Variants in RASAL2 observed in about 807,000 individuals in gnomAD.
RASAL2 encodes the protein RAS protein activator like 2, also known as ras GTPase-activating protein nGAP.
Under a neutral mutation model 128.9 loss-of-function variants are expected in RASAL2, and 58 were observed. The ratio of observed to expected loss-of-function variants is 0.45; its 90% CI spans 0.36 to 0.56. RASAL2 has a LOEUF of 0.56. Ranked by LOEUF, RASAL2 falls within the 20% of genes least tolerant of loss-of-function variation. The pLI, the probability that RASAL2 is intolerant of heterozygous loss-of-function variation, is 0.00. For synonymous variants in RASAL2, 561 were observed against 580.8 expected, an observed-to-expected ratio of 0.97 and a Z score of 0.49; for missense variants, 1,360 against 1,601.6, an observed-to-expected ratio of 0.85 and a Z score of 2.57.
intron 1 of RASAL2, among the ~76,000 whole-genome samples, chr1:178,251,750 T>A (rs1181097444): frequency 2.6e-5 from 4 of 152,208 alleles, no homozygotes; most frequent in Admixed American, 2.6e-4. Flanking sequence ...TAAAACAGTC[T>A]TTTTCTTCAG....
At chr1:178,261,591 T>G (rs1665695567) in intron 1 of RASAL2, among the ~76,000 whole-genome samples, 1 of 152,106 alleles carries the variant, frequency 6.6e-6, no homozygotes, top group Non-Finnish European at 1.5e-5. Flanking sequence ...ACTAAAAGAG[T>G]ACTTCATAAC....
intron 3 of RASAL2, among the ~76,000 whole-genome samples, chr1:178,347,694 A>G (rs1386517154): frequency 6.6e-6 from 1 of 152,232 alleles, no homozygotes; most frequent in African/African-American, 2.4e-5. Flanking sequence ...AATAGTTTTC[A>G]TACCATATTG....
intron 1 of RASAL2, among the ~76,000 whole-genome samples, chr1:178,106,911 A>G (rs948193040): frequency 1.3e-5 from 2 of 152,170 alleles, no homozygotes; most frequent in South Asian, 4.1e-4. Context: ...ACTTTGTAAT[A>G]TCTATTAGCT....
intron 1 of RASAL2, among the ~76,000 whole-genome samples, chr1:178,124,476 A>G (rs552716037): frequency 6.6e-6 from 1 of 150,832 alleles, no homozygotes; most frequent in Non-Finnish European, 1.5e-5. Context: ...TGCCTTAGAG[A>G]AATGTTTTCT....
At chr1:178,372,328 G>T in intron 3 of RASAL2, 1 of 985,378 alleles carries the variant, frequency 1.0e-6, no homozygotes, top group Non-Finnish European at 1.2e-6. Flanking sequence ...TCTGGGTACG[G>T]TAGGGCTTGC....
At chr1:178,307,532 G>A (rs964190150) in intron 3 of RASAL2, among the ~76,000 whole-genome samples, 10 of 152,102 alleles carry the variant, frequency 6.6e-5, no homozygotes, top group South Asian at 2.1e-4. Context: ...TTAGTTGGCC[G>A]TGTGAACTAA....
intron 17 of RASAL2, chr1:178,470,574 C>A: frequency 1.4e-6 from 1 of 707,030 alleles, no homozygotes; most frequent in South Asian, 1.6e-5. Flanking sequence ...GACACTGTGG[C>A]TCCCAGGATC....
intron 5 of RASAL2, among the ~76,000 whole-genome samples, chr1:178,430,907 TACAC>T (rs71297897): frequency 0.023 from 3,074 of 133,986 alleles, 46 homozygotes; most frequent in Middle Eastern, 0.074. Flanking sequence ...GGCAAAAAAG[TACAC>T]ACACACACAC....
chr1:178,350,308 C>T (rs1670394297), intron 3 of RASAL2, among the ~76,000 whole-genome samples: 2 of 152,146 alleles, frequency 1.3e-5, no homozygotes, highest in South Asian at 2.1e-4. Context: ...GCAGCCTCAA[C>T]CTCCTGGGTT....
intron 1 of RASAL2, among the ~76,000 whole-genome samples, chr1:178,157,524 A>C (rs1449114761): frequency 1.3e-5 from 2 of 152,134 alleles, no homozygotes; most frequent in Non-Finnish European, 2.9e-5. Context: ...CCTAATTCTA[A>C]TTCCCAAGGC....
rs1162993109 is a variant in RASAL2 at position 178,476,498 on chromosome 1, C to A, written c.*3259C>A. On this transcript the variant is annotated 3_prime_UTR_variant, in exon 18 of 18. Transcript: ENST00000367649. ...ACCAAGGTACTGTTGGGGTTTATGG[C>A]AGTCTAACGGTAAGAAAAATGTGGT... 6.6e-6 allele frequency: 1 copy of A among 152,156 alleles called. No homozygotes were observed. The allele number at this position is 152,156 out of a possible 1,614,324, so 9.4% of individuals were successfully genotyped here. A position where few individuals can be genotyped will look rare whatever the true frequency, so the allele number is the denominator to read the frequency against.
chr1:178,304,817 G>A (rs1400023392), intron 3 of RASAL2, among the ~76,000 whole-genome samples: 8 of 152,160 alleles, frequency 5.3e-5, no homozygotes, highest in Non-Finnish European at 1.0e-4. Flanking sequence ...TCAGACAAGA[G>A]AAGGAAATAA....
chr1:178,470,380 G>A (rs1220700463), intron 17 of RASAL2, among the ~76,000 whole-genome samples: 2 of 152,158 alleles, frequency 1.3e-5, no homozygotes, highest in African/African-American at 4.8e-5. Flanking sequence ...CAAGGCACAG[G>A]CCTGCATCAG....
intron 3 of RASAL2, among the ~76,000 whole-genome samples, chr1:178,326,321 A>C (rs1366153408): frequency 6.6e-6 from 1 of 152,210 alleles, no homozygotes; most frequent in Non-Finnish European, 1.5e-5. Flanking sequence ...TTTCATTAGC[A>C]GAAATCTACC....
chr1:178,262,792 C>T (rs1665759444), intron 1 of RASAL2, among the ~76,000 whole-genome samples: 1 of 147,424 alleles, frequency 6.8e-6, no homozygotes, highest in African/African-American at 2.6e-5. Flanking sequence ...CTGCCCCCCA[C>T]TCATTTTTTT....
At chr1:178,434,574 A>C (rs1209584459) in intron 5 of RASAL2, among the ~76,000 whole-genome samples, 12 of 152,076 alleles carry the variant, frequency 7.9e-5, no homozygotes, top group Non-Finnish European at 1.8e-4. Flanking sequence ...TAGCTTTTTA[A>C]TGTGAGTGGT....
At chr1:178,366,776 C>G (rs968096326) in intron 3 of RASAL2, among the ~76,000 whole-genome samples, 5 of 151,954 alleles carry the variant, frequency 3.3e-5, no homozygotes, top group Admixed American at 2.6e-4. Context: ...ATGAAGTACT[C>G]GCTAAAACAT....
At position 178,374,323 on chromosome 1, in the gene RASAL2, A is replaced by G. The variant is rs1339494339; in HGVS notation, c.458-15777A>G. On this transcript the variant is annotated intron_variant, in intron 3 of 17. Transcript: ENST00000367649. ...CAATGAAGATGCCAAGAGAAAAACAAGAAAACTAAATCTACTTTATGGTGA... is the reference window on the plus strand; with the variant it reads ...CAATGAAGATGCCAAGAGAAAAACAGGAAAACTAAATCTACTTTATGGTGA... Among the ~76,000 whole-genome samples the G allele has an allele frequency of 2.0e-5, 3 of 152,160 alleles. No individual in the cohort carries two copies. The South Asian group carries it at 6.2e-4, about 32-fold the overall frequency.
chr1:178,384,179 T>A (rs947921083), intron 3 of RASAL2, among the ~76,000 whole-genome samples: 8 of 152,216 alleles, frequency 5.3e-5, no homozygotes, highest in African/African-American at 1.9e-4. Flanking sequence ...TTGGTTCAGG[T>A]TGCCATTAAT....
Sources: gnomAD v4.1 joint callset for allele counts (sites outside exome capture counted in the v4.1 genomes callset) on GRCh38, gnomAD v4.1.1 for gene constraint, MANE v1.5 for transcripts, NCBI Gene and HGNC (gene_info 2026-07-23, HGNC 2026-07-21) for gene names.